The following ROS1 variants were observed in gnomAD, a reference collection of about 807,000 sequenced individuals.
ROS1 encodes ROS proto-oncogene 1, receptor tyrosine kinase, also known as proto-oncogene tyrosine-protein kinase ROS.
A neutral mutation model predicts 273.5 loss-of-function variants in ROS1; 263 were observed. That is an observed-to-expected ratio of 0.96 (90% CI 0.87 to 1.06). The LOEUF (loss-of-function observed/expected upper bound fraction) is 1.06. ROS1 is among the 50% of genes least tolerant of loss of function. The pLI is 0.00. For synonymous variants in ROS1, 1,008 were observed against 954.1 expected (o/e 1.06, Z -1.04); for missense variants, 2,833 against 2,751.1 (o/e 1.03, Z -0.67).
chr6:117,384,774 G>T (rs1279766428), intron 16 of ROS1, among the ~76,000 whole-genome samples: 2 of 152,184 alleles, frequency 1.3e-5, no homozygotes, highest in Non-Finnish European at 2.9e-5. Flanking sequence ...CTGAAGGGTT[G>T]TTGTCTGGCT....
At position 117,404,349 on chromosome 6, in the gene ROS1, G is replaced by C. The variant is rs2128726625; in HGVS notation, c.396C>G (p.Asn132Lys). 6.2e-7 allele frequency: 1 copy of C among 1,613,876 alleles called. No homozygotes were observed. The highest frequency in any genetic ancestry group is 8.5e-7 in the Non-Finnish European group (1 of 1,179,774). ...HNMTLRWKSA[N>K]FSGVKYIIQW... ...GAATGATGTATTTTACTCCAGAGAA[G>C]TTTGCAGATTTCCATCGTAATGTCA... is the stretch of plus-strand genomic sequence containing the variant. Residue 132 changes from asparagine to lysine, a missense_variant, in exon 6 of 44, where the codon AAC (asparagine) becomes AAG (lysine). Physicochemically the swap from Asn to Lys is moderately conservative, Grantham distance 94. Transcript: ENST00000368507.
intron 18 of ROS1, among the ~76,000 whole-genome samples, chr6:117,374,208 T>G (rs186405902): frequency 3.3e-5 from 5 of 152,020 alleles, no homozygotes; most frequent in Non-Finnish European, 5.9e-5. Flanking sequence ...AAAGAACAAA[T>G]CTGGAGGCAT....
At chr6:117,388,114 C>T (rs1772746311) in intron 13 of ROS1, 122 bp from the exon 14 acceptor site, 2 of 1,407,780 alleles carry the variant, frequency 1.4e-6, no homozygotes, top group East Asian at 2.3e-5. Context: ...GCAGTAATAT[C>T]CGCTACCCCG....
intron 41 of ROS1, among the ~76,000 whole-genome samples, chr6:117,309,245 C>A (rs982924318): frequency 2.0e-5 from 3 of 152,140 alleles, no homozygotes; most frequent in African/African-American, 7.2e-5. Flanking sequence ...CACACAGAAA[C>A]AGACACACAT....
At chr6:117,350,836 CT>C (rs763132023) in intron 27 of ROS1, among the ~76,000 whole-genome samples, 13 of 151,782 alleles carry the variant, frequency 8.6e-5, no homozygotes, top group Non-Finnish European at 1.6e-4. Context: ...TCTAACATTT[CT>C]TTTTTTTCCT....
In ROS1 at chr6:117,416,196, T is replaced by C. The variant is rs965498037; in HGVS notation, c.228+62A>G. The C allele has an allele frequency of 3.9e-6, 4 of 1,018,902 alleles. No homozygotes were observed. The African/African-American group carries it at 6.3e-5, about 16-fold the overall frequency. The allele number at this position is 1,018,902 out of a possible 1,614,324, so 63.1% of individuals were successfully genotyped here. ...AATGGAAATGCAAATGGGAATCCTC[T>C]TACACAAATTTCCTCTTGAAAGAAA... is the stretch of plus-strand genomic sequence containing the variant. On this transcript the variant is annotated intron_variant, in intron 3 of 43. Coordinates refer to ENST00000368507, the MANE Select transcript of ROS1 (RefSeq NM_001378902.1).
chr6:117,344,615 T>C (rs1326892393), intron 27 of ROS1, among the ~76,000 whole-genome samples: 1 of 152,144 alleles, frequency 6.6e-6, no homozygotes, highest in Non-Finnish European at 1.5e-5. Context: ...TGTGACACGG[T>C]CTGGTTAGTC....
At chr6:117,388,039 A>C in intron 13 of ROS1, 47 bp from the exon 14 acceptor site, 1 of 1,611,354 alleles carries the variant, frequency 6.2e-7, no homozygotes, top group Non-Finnish European at 8.5e-7. Context: ...TGACATCTGC[A>C]AGGGCAAACC....
At chr6:117,354,315 T>C in intron 26 of ROS1, among the ~76,000 whole-genome samples, 1 of 151,574 alleles carries the variant, frequency 6.6e-6, no homozygotes. Context: ...ATTGCACCAC[T>C]GCACTCCAGC....
chr6:117,295,958 T>C (rs138095549), intron 43 of ROS1, among the ~76,000 whole-genome samples: 9 of 152,324 alleles, frequency 5.9e-5, no homozygotes, highest in Non-Finnish European at 7.4e-5. Flanking sequence ...AAAATAGATC[T>C]GCCATTTGAT....
chr6:117,332,250 G>A (rs538180347), intron 32 of ROS1, among the ~76,000 whole-genome samples: 4 of 151,204 alleles, frequency 2.6e-5, no homozygotes, highest in Admixed American at 2.6e-4. Context: ...GACAAAGAAG[G>A]GCATTATATA....
In ROS1 at chr6:117,372,205, C is replaced by G. The variant is rs1354949540; in HGVS notation, c.2583-5915G>C. On this transcript the variant is annotated intron_variant, in intron 18 of 43. Coordinates refer to ENST00000368507, the MANE Select transcript of ROS1 (RefSeq NM_001378902.1). ...CTGGAACAAGACAAGGATGCCCAGTCACACCAGTCCTGTTCAACATAGTAC... is the reference window on the plus strand; with the variant it reads ...CTGGAACAAGACAAGGATGCCCAGTGACACCAGTCCTGTTCAACATAGTAC... Among the ~76,000 whole-genome samples the G allele has an allele frequency of 3.9e-5, 6 of 152,152 alleles. No homozygotes were observed. In the East Asian group the frequency reaches 1.2e-3, roughly 29 times the overall value.
At chr6:117,309,981 T>C (rs1775410307) in intron 41 of ROS1, 100 bp downstream of exon 41, 2 of 1,037,542 alleles carry the variant, frequency 1.9e-6, no homozygotes, top group Admixed American at 1.8e-5. Flanking sequence ...TCTGGTCTTC[T>C]GTTTTCTCAC....
At chr6:117,397,387 T>C (rs554824419) in intron 7 of ROS1, among the ~76,000 whole-genome samples, 1 of 152,238 alleles carries the variant, frequency 6.6e-6, no homozygotes, top group African/African-American at 2.4e-5. Flanking sequence ...ATAATGGCCC[T>C]TTTAAAAAAA....
chr6:117,373,490 G>T (rs1007877578), intron 18 of ROS1, among the ~76,000 whole-genome samples: 1 of 152,234 alleles, frequency 6.6e-6, no homozygotes, highest in East Asian at 1.9e-4. Context: ...CAGCAGTGCT[G>T]GGGGACCTGG....
intron 33 of ROS1, chr6:117,328,446 C>T: frequency 3.0e-6 from 1 of 334,772 alleles, no homozygotes; most frequent in South Asian, 5.0e-5. Context: ...GTATTTCACT[C>T]TGCATGAAAA....
chr6:117,423,014 AT>A (rs1775870937), intron 1 of ROS1, among the ~76,000 whole-genome samples: 1 of 151,600 alleles, frequency 6.6e-6, no homozygotes, highest in African/African-American at 2.4e-5. Flanking sequence ...AGTTGTTGTG[AT>A]TTGTTAATTC....
At chr6:117,327,993 C>T (rs1320922655) in intron 33 of ROS1, among the ~76,000 whole-genome samples, 4 of 152,142 alleles carry the variant, frequency 2.6e-5, no homozygotes, top group African/African-American at 2.4e-5. Context: ...CAAGCAGTCC[C>T]GCTGATACGT....
intron 18 of ROS1, among the ~76,000 whole-genome samples, chr6:117,367,372 G>A (rs184352646): frequency 1.3e-5 from 2 of 152,282 alleles, no homozygotes; most frequent in Admixed American, 6.5e-5. Context: ...TCTTAAATGT[G>A]GTAGCCATGA....
Sources: allele counts gnomAD v4.1 joint callset (sites outside exome capture counted in the v4.1 genomes callset), GRCh38; gene constraint gnomAD v4.1.1; transcripts MANE v1.5; gene names NCBI Gene and HGNC (gene_info 2026-07-23, HGNC 2026-07-21).